Variants in GAB1 observed in about 807,000 individuals in gnomAD.
The protein encoded by GAB1 is GRB2 associated binding protein 1, also known as GRB2-associated-binding protein 1.
GAB1 carries 19 observed loss-of-function variants against 66.5 expected under a neutral mutation model. That is an observed-to-expected ratio of 0.29 (90% confidence interval 0.20 to 0.42). The LOEUF is 0.42. Ranked by LOEUF, GAB1 falls within the 10% of genes least tolerant of loss-of-function variation. GAB1 has a pLI of 1.00. For missense variants in GAB1, 732 were observed against 858.5 expected, an observed-to-expected ratio of 0.85 and a Z score of 1.84; for synonymous variants, 294 against 301.4, an observed-to-expected ratio of 0.98 and a Z score of 0.25.
At position 143,438,578 on chromosome 4, in the gene GAB1, G is replaced by A; in HGVS notation, c.1173G>A (p.Val391=). ...SPSRSNTIST[V]DLNKLRKDAS... ...CACGTAGTAATACCATTTCCACTGT[G>A]GATTTAAACAAATTGCGAAAAGGTC... The change falls in exon 4 of 10, where the codon GTG becomes GTA. Residue 391 remains valine (V), a synonymous_variant. Transcript: ENST00000262994. The A allele has an allele frequency of 6.2e-7, 1 of 1,612,972 alleles. No homozygotes were observed. The highest frequency in any genetic ancestry group is 8.5e-7 in the Non-Finnish European group (1 of 1,179,394).
At chr4:143,424,852 G>A in intron 2 of GAB1, 1 of 412,546 alleles carries the variant, frequency 2.4e-6, no homozygotes, top group Non-Finnish European at 4.5e-6. Context: ...CTACTCGGGA[G>A]GCTGAGGCAG....
rs971359797 is a variant in GAB1 at position 143,438,339 on chromosome 4, A to G, written c.934A>G (p.Thr312Ala). 1 of 1,614,126 alleles carries G rather than the reference A, an allele frequency of 6.2e-7. No homozygotes were observed. The highest frequency in any genetic ancestry group is 8.5e-7 in the Non-Finnish European group (1 of 1,179,978). Residue 312 changes from threonine (T) to alanine (A), a missense_variant, in exon 4 of 10, where the codon ACA becomes GCA. This residue lies in a region of GAB1 where 427 missense variants were observed against 420.6 expected (regional missense o/e 1.02). Coordinates refer to ENST00000262994, the MANE Select transcript of GAB1 (RefSeq NM_002039.4). ...ATCTATTAGTTATGACATTCCTCCA[A>G]CACCTGGTAATACTTATCAGATTCC... ...HVSISYDIPP[T>A]PGNTYQIPRT...
At chr4:143,413,851 G>A (rs1415369511) in intron 1 of GAB1, among the ~76,000 whole-genome samples, 1 of 86,328 alleles carries the variant, frequency 1.2e-5, no homozygotes, top group Non-Finnish European at 2.0e-5. Flanking sequence ...TTTTTTTTGA[G>A]GAGGAGTCTT....
chr4:143,453,335 G>T (rs967175970), intron 6 of GAB1, among the ~76,000 whole-genome samples: 3 of 151,748 alleles, frequency 2.0e-5, no homozygotes, highest in African/African-American at 7.3e-5. Context: ...GAAAACCAAG[G>T]AATACCCTAG....
At chr4:143,373,864 A>AATAT (rs796217762) in intron 1 of GAB1, among the ~76,000 whole-genome samples, 3 of 50,844 alleles carry the variant, frequency 5.9e-5, no homozygotes, top group African/African-American at 2.1e-4. Context: ...TCTGTAAATA[A>AATAT]ATAAATATAT....
chr4:143,408,402 G>A (rs753608911), intron 1 of GAB1, among the ~76,000 whole-genome samples: 5 of 152,152 alleles, frequency 3.3e-5, no homozygotes, highest in Non-Finnish European at 5.9e-5. Flanking sequence ...TAACAACTTA[G>A]TATGTGTCCT....
At chr4:143,450,958 G>A (rs1281475887) in intron 6 of GAB1, among the ~76,000 whole-genome samples, 2 of 151,928 alleles carry the variant, frequency 1.3e-5, no homozygotes, top group African/African-American at 2.4e-5. Flanking sequence ...GAGAAAGGCA[G>A]TTCATTAACA....
chr4:143,439,219 A>C (rs1432222380), intron 4 of GAB1, among the ~76,000 whole-genome samples: 1 of 152,210 alleles, frequency 6.6e-6, no homozygotes, highest in Non-Finnish European at 1.5e-5. Flanking sequence ...TGAGAGGAGA[A>C]GAAAAAAATG....
At chr4:143,451,089 G>C (rs938359341) in intron 6 of GAB1, among the ~76,000 whole-genome samples, 4 of 152,182 alleles carry the variant, frequency 2.6e-5, no homozygotes, top group African/African-American at 9.7e-5. Context: ...CACCGTCTAG[G>C]AGGGGATGTG....
At chr4:143,426,063 T>C (rs1733337111) in intron 2 of GAB1, 1 of 569,628 alleles carries the variant, frequency 1.8e-6, no homozygotes, top group South Asian at 2.3e-5. Flanking sequence ...AGATGAGCTA[T>C]GAAGACTTGA....
chr4:143,439,250 A>C (rs907679169), intron 4 of GAB1, among the ~76,000 whole-genome samples: 8 of 152,208 alleles, frequency 5.3e-5, no homozygotes, highest in African/African-American at 1.9e-4. Flanking sequence ...ATTCTCTGAG[A>C]TTCTCAAAGT....
At position 143,473,589 on chromosome 4, in the gene GAB1, AGCCAGTG is replaced by A. The variant is rs1736170234; in HGVS notation, c.*4401_*4407del. Reference sequence around the variant, plus strand: ...CACGTGCCCTGTTACTCCTCCAGCCAGCCAGTGCTGCCAGCATTTTATTGTGTAAAAG... The same window carrying A: ...CACGTGCCCTGTTACTCCTCCAGCCACTGCCAGCATTTTATTGTGTAAAAG... On this transcript the variant is annotated 3_prime_UTR_variant, in exon 10 of 10. Transcript: ENST00000262994. 3.3e-5 allele frequency: 5 copies of A among 152,226 alleles called. No homozygotes were observed. The highest frequency in any genetic ancestry group is 1.2e-4 in the African/African-American group (5 of 41,464). 9.4% of individuals were successfully genotyped at this position (152,226 alleles called of 1,614,324 possible).
At chr4:143,418,237 T>C (rs1464265337) in intron 2 of GAB1, among the ~76,000 whole-genome samples, 1 of 152,224 alleles carries the variant, frequency 6.6e-6, no homozygotes, top group Non-Finnish European at 1.5e-5. Context: ...CAAGAAATTG[T>C]TTCACAGGAG....
At chr4:143,378,629 G>GTCTCTCTCTCTCTCTCTCTCTC (rs3049720) in intron 1 of GAB1, among the ~76,000 whole-genome samples, 1 of 129,150 alleles carries the variant, frequency 7.7e-6, no homozygotes, top group African/African-American at 3.0e-5. Context: ...CTTCCAAAGT[G>GTCTCTCTCTCTCTCTCTCTCTC]TCTCTCTCTC....
rs182124743 is a variant in GAB1, at chr4:143,451,993, T to C, written c.1586-7392T>C. The stretch of plus-strand genomic sequence containing the variant: ...CATTTTAAAAGAGCACCCCGCTCTT[T>C]GCTGCTCTGTTTCTTAGGGTTGTGT... On this transcript the variant is annotated intron_variant, in intron 6 of 9. Transcript: ENST00000262994. Among the ~76,000 whole-genome samples, 6 of 152,342 alleles carry C rather than the reference T, an allele frequency of 3.9e-5. No individual in the cohort carries two copies. In the East Asian group the frequency reaches 1.2e-3, roughly 29 times the overall value.
chr4:143,399,258 T>C (rs1156532634), intron 1 of GAB1, among the ~76,000 whole-genome samples: 1 of 152,222 alleles, frequency 6.6e-6, no homozygotes, highest in Non-Finnish European at 1.5e-5. Context: ...ATATACTACC[T>C]AGATGCAATC....
chr4:143,450,187 C>G (rs529510979), intron 6 of GAB1, among the ~76,000 whole-genome samples: 1 of 152,208 alleles, frequency 6.6e-6, no homozygotes, highest in East Asian at 1.9e-4. Flanking sequence ...GTATAATTAT[C>G]ATTATTACAT....
At chr4:143,444,457 T>A (rs1560775224) in intron 6 of GAB1, among the ~76,000 whole-genome samples, 1 of 152,176 alleles carries the variant, frequency 6.6e-6, no homozygotes, top group Non-Finnish European at 1.5e-5. Context: ...TAATATTGTG[T>A]GGGGAGCATA....
chr4:143,339,412 GAGGC>G (rs1728757123), intron 1 of GAB1, among the ~76,000 whole-genome samples: 1 of 152,276 alleles, frequency 6.6e-6, no homozygotes, highest in Admixed American at 6.5e-5. Flanking sequence ...TGGGGAGGCT[GAGGC>G]AGGAGAAATG....
Sources: allele counts gnomAD v4.1 joint callset (sites outside exome capture counted in the v4.1 genomes callset), GRCh38; gene constraint gnomAD v4.1.1; regional missense constraint gnomAD v4.1.1; transcripts MANE v1.5; gene names NCBI Gene and HGNC (gene_info 2026-07-23, HGNC 2026-07-21).